Variants in SLC14A2 observed in about 807,000 individuals in gnomAD.
SLC14A2 encodes solute carrier family 14 member 2.
In SLC14A2, 91 loss-of-function variants were observed where a neutral mutation model predicts 104.6. That is an observed-to-expected ratio of 0.87 (90% CI 0.73 to 1.04). SLC14A2 has a LOEUF of 1.04. SLC14A2 is among the 50% of genes least tolerant of loss of function. The pLI is 0.00. For missense variants in SLC14A2, 1,189 were observed against 1,156.0 expected, an observed-to-expected ratio of 1.03 and a Z score of -0.41; for synonymous variants, 476 against 466.4, an observed-to-expected ratio of 1.02 and a Z score of -0.27.
Position 45,668,391 on chromosome 18 carries a change from G to T in SLC14A2, c.1950G>T (p.Leu650=). ...AAGFHGYNGV[L]VGLLMAVFSD... Reference sequence around the variant, plus strand: ...GATTTCACGGCTACAATGGGGTGCTGGTGGGGCTGCTGATGGCCGTGTTCT... The same window carrying T: ...GATTTCACGGCTACAATGGGGTGCTTGTGGGGCTGCTGATGGCCGTGTTCT... Residue 650 remains leucine, a synonymous_variant, in exon 15 of 20, where the codon CTG becomes CTT. Transcript: ENST00000255226. The T allele has an allele frequency of 6.2e-7, 1 of 1,614,114 alleles. No individual in the cohort carries two copies. Among genetic ancestry groups the T allele is most frequent in the African/African-American group, 1.3e-5 (1 of 75,026 alleles).
chr18:45,277,216 C>T (rs1201085026), intron 1 of SLC14A2, among the ~76,000 whole-genome samples: 3 of 152,062 alleles, frequency 2.0e-5, no homozygotes, highest in African/African-American at 2.4e-5. Context: ...TGTATGACCT[C>T]GGACAAGTAA....
At chr18:45,671,699 C>T (rs1436023545) in intron 16 of SLC14A2, among the ~76,000 whole-genome samples, 20 of 152,220 alleles carry the variant, frequency 1.3e-4, no homozygotes, top group Admixed American at 1.3e-3. Context: ...GTCTCCTGTA[C>T]ACACTCACTG....
chr18:45,265,116 C>A (rs1339544973), intron 1 of SLC14A2, among the ~76,000 whole-genome samples: 1 of 152,120 alleles, frequency 6.6e-6, no homozygotes, highest in African/African-American at 2.4e-5. Flanking sequence ...CATTAAAAAT[C>A]ATTTATTTGG....
chr18:45,398,089 A>T (rs1201889022), intron 1 of SLC14A2, among the ~76,000 whole-genome samples: 1 of 152,190 alleles, frequency 6.6e-6, no homozygotes, highest in Non-Finnish European at 1.5e-5. Context: ...AAAAAAGTCG[A>T]TATTTATGTA....
chr18:45,423,344 C>T (rs2086375510), intron 1 of SLC14A2, among the ~76,000 whole-genome samples: 1 of 152,234 alleles, frequency 6.6e-6, no homozygotes, highest in Non-Finnish European at 1.5e-5. Context: ...AGAGAAATCT[C>T]TGCGACAGTT....
At chr18:45,445,777 G>T (rs1444591462) in intron 1 of SLC14A2, among the ~76,000 whole-genome samples, 1 of 152,194 alleles carries the variant, frequency 6.6e-6, no homozygotes, top group Non-Finnish European at 1.5e-5. Context: ...TCAAGAGGCA[G>T]ATGAGGCCCT....
At chr18:45,577,289 G>T (rs2044430067) in intron 2 of SLC14A2, among the ~76,000 whole-genome samples, 1 of 151,948 alleles carries the variant, frequency 6.6e-6, no homozygotes, top group African/African-American at 2.4e-5. Flanking sequence ...CAGAGCTTTG[G>T]ATATCTGGAG....
intron 1 of SLC14A2, among the ~76,000 whole-genome samples, chr18:45,465,603 T>C (rs1331295863): frequency 6.6e-6 from 1 of 152,044 alleles, no homozygotes; most frequent in Non-Finnish European, 1.5e-5. Flanking sequence ...CATCCATCCA[T>C]CCTTCTCCTC....
At chr18:45,396,555 T>C (rs938142239) in intron 1 of SLC14A2, among the ~76,000 whole-genome samples, 127 of 152,100 alleles carry the variant, frequency 8.3e-4, no homozygotes, top group African/African-American at 2.8e-3. Flanking sequence ...CATTTATTTG[T>C]TTCTTTATTT....
chr18:45,600,520 T>C (rs1026526600), intron 2 of SLC14A2, among the ~76,000 whole-genome samples: 1 of 152,180 alleles, frequency 6.6e-6, no homozygotes, highest in Admixed American at 6.5e-5. Flanking sequence ...GTAATCTTGA[T>C]GCCAGGATAC....
Position 45,669,309 on chromosome 18 carries a change from CA to C in SLC14A2, c.2041del (p.Ile681SerfsTer26). On this transcript the variant is annotated frameshift_variant, in exon 16 of 20. Transcript: ENST00000255226. LOFTEE classifies it high-confidence loss of function. ...TCTCTCATGCTTCTGCCATCAGCCC[CA>C]TCCTCTCCAGTGCCCTGGGTACCAT... ...PVIIMSMSCP[I>X]LSSALGTIFS... 1 of 1,611,944 alleles carries C rather than the reference CA, an allele frequency of 6.2e-7. No homozygotes were observed. Among genetic ancestry groups the C allele is most frequent in the Non-Finnish European group, 8.5e-7 (1 of 1,178,720 alleles).
At chr18:45,504,894 GAGA>G (rs768344489) in intron 2 of SLC14A2, among the ~76,000 whole-genome samples, 8 of 152,106 alleles carry the variant, frequency 5.3e-5, no homozygotes, top group Non-Finnish European at 8.8e-5. Context: ...AAATAATTAG[GAGA>G]AGAAGGAGAT....
chr18:45,375,828 C>A (rs947697933), intron 1 of SLC14A2, among the ~76,000 whole-genome samples: 3 of 152,178 alleles, frequency 2.0e-5, no homozygotes, highest in Non-Finnish European at 4.4e-5. Context: ...TCCAGCCAAT[C>A]CTAGGTAGCC....
chr18:45,284,142 T>C (rs1471241486), intron 1 of SLC14A2, among the ~76,000 whole-genome samples: 2 of 152,270 alleles, frequency 1.3e-5, no homozygotes, highest in Non-Finnish European at 2.9e-5. Flanking sequence ...GCTTGCATTA[T>C]ATTTCTATTG....
At chr18:45,561,744 G>A (rs1300102640) in intron 2 of SLC14A2, among the ~76,000 whole-genome samples, 1 of 152,048 alleles carries the variant, frequency 6.6e-6, no homozygotes, top group Non-Finnish European at 1.5e-5. Flanking sequence ...TTTCATCCGT[G>A]TGTTCTCAAA....
intron 2 of SLC14A2, among the ~76,000 whole-genome samples, chr18:45,504,871 G>A (rs1189602183): frequency 6.6e-6 from 1 of 152,112 alleles, no homozygotes; most frequent in Non-Finnish European, 1.5e-5. Flanking sequence ...TATTATAATA[G>A]CGATGATAAT....
At chr18:45,457,792 T>C (rs1322947266) in intron 1 of SLC14A2, among the ~76,000 whole-genome samples, 1 of 152,160 alleles carries the variant, frequency 6.6e-6, no homozygotes, top group African/African-American at 2.4e-5. Context: ...CTGTGTGTCC[T>C]TGGGCAGGTC....
chr18:45,573,452 T>C (rs1465137481), intron 2 of SLC14A2, among the ~76,000 whole-genome samples: 1 of 152,174 alleles, frequency 6.6e-6, no homozygotes, highest in Non-Finnish European at 1.5e-5. Context: ...CAACAAAAGA[T>C]TTTCTACAAG....
chr18:45,297,748 C>T (rs1176882749), intron 1 of SLC14A2, among the ~76,000 whole-genome samples: 1 of 152,152 alleles, frequency 6.6e-6, no homozygotes, highest in Non-Finnish European at 1.5e-5. Context: ...TGACCAGAGA[C>T]ACCATTCCCG....
Sources: allele counts gnomAD v4.1 joint callset (sites outside exome capture counted in the v4.1 genomes callset), GRCh38; gene constraint gnomAD v4.1.1; transcripts MANE v1.5; gene names NCBI Gene and HGNC (gene_info 2026-07-23, HGNC 2026-07-21).